The following KMO variants were observed in gnomAD, a reference collection of about 807,000 sequenced individuals.
KMO encodes the protein kynurenine 3-hydroxylase.
A neutral mutation model predicts 57.8 loss-of-function variants in KMO; 24 were observed. The ratio of observed to expected loss-of-function variants is 0.42; its 90% CI spans 0.30 to 0.58. The LOEUF (loss-of-function observed/expected upper bound fraction) is 0.58, where lower values mean the gene tolerates loss of function less well. Ranked by LOEUF, KMO falls within the 20% of genes least tolerant of loss-of-function variation. The pLI is 0.22. For synonymous variants in KMO, 210 were observed against 193.6 expected, an observed-to-expected ratio of 1.08 and a Z score of -0.70; for missense variants, 483 against 588.2, an observed-to-expected ratio of 0.82 and a Z score of 1.85.
chr1:241,560,807 G>GT (rs1661808850), intron 6 of KMO, 55 bp downstream of exon 6: 14 of 1,124,080 alleles, frequency 1.2e-5, no homozygotes, highest in Non-Finnish European at 1.9e-5. Context: ...GTGGAGAATT[G>GT]TATCTGCAAA....
In KMO at chr1:241,593,534, A is replaced by C. The variant is rs1026533029; in HGVS notation, c.*1381A>C. Reference sequence around the variant, plus strand: ...TAATCCATGTTCAGTTTGTAGGGAAAGAAAAAATAATTTTTCCTTCTACCC... The same window carrying C: ...TAATCCATGTTCAGTTTGTAGGGAACGAAAAAATAATTTTTCCTTCTACCC... On this transcript the variant is annotated 3_prime_UTR_variant, in exon 15 of 15. Coordinates refer to ENST00000366559, the MANE Select transcript of KMO (RefSeq NM_003679.5). 8 of 258,078 alleles carry C rather than the reference A, an allele frequency of 3.1e-5. No individual in the cohort carries two copies. Among genetic ancestry groups the C allele is most frequent in the African/African-American group, 1.7e-4 (8 of 45,948 alleles). The allele number at this position is 258,078 out of a possible 1,614,324, so 16.0% of individuals were successfully genotyped here.
intron 1 of KMO, chr1:241,536,455 GTT>G (rs769511701): frequency 7.2e-5 from 69 of 960,298 alleles, no homozygotes; most frequent in Non-Finnish European, 8.6e-5. Flanking sequence ...TTTGATAACT[GTT>G]TTCAGTGTTT....
rs1209415215 is a variant in KMO at position 241,575,550 on chromosome 1, T to C, written c.957+6903T>C. 1.3e-5 allele frequency among the ~76,000 whole-genome samples: 2 copies of C among 152,072 alleles called. 1 individual carries two copies. The highest frequency in any genetic ancestry group is 2.9e-5 in the Non-Finnish European group (2 of 67,956). Reference sequence around the variant, plus strand: ...CCAAAATCATTCAAGAGAAGATTGTTTAATTTCCATGTATTTGTATAGTTT... The same window carrying C: ...CCAAAATCATTCAAGAGAAGATTGTCTAATTTCCATGTATTTGTATAGTTT... On this transcript the variant is annotated intron_variant, in intron 10 of 14. Coordinates refer to ENST00000366559, the MANE Select transcript of KMO (RefSeq NM_003679.5).
Position 241,570,683 on chromosome 1 carries a change from T to C in KMO, c.957+2036T>C, listed in dbSNP as rs1237384120. ...CCGTACCATGATGTTTTGGTTACTT[T>C]AGTTTTGTAGTATAATTTGAAGTCA... On this transcript the variant is annotated intron_variant, in intron 10 of 14. Transcript: ENST00000366559. Among the ~76,000 whole-genome samples, 10 of 152,260 alleles carry C rather than the reference T, an allele frequency of 6.6e-5. No homozygotes were observed. The East Asian group carries it at 1.7e-3, about 26-fold the overall frequency.
rs117220986 is a variant in KMO, at chr1:241,592,018, A to G, written c.1326A>G (p.Ile442Met). 5.7e-4 allele frequency: 916 copies of G among 1,613,980 alleles called. 8 individuals are homozygous for G. In the East Asian group the frequency reaches 0.019, roughly 33 times the overall value. The change falls in exon 15 of 15, where the codon ATA becomes ATG. Residue 442 changes from isoleucine (I) to methionine (M), a missense_variant. Physicochemically the swap from Ile to Met is conservative, Grantham distance 10 (BLOSUM62 1). This residue lies in a region of KMO where 410 missense variants were observed against 492.3 expected (regional missense o/e 0.83). Coordinates refer to ENST00000366559, the MANE Select transcript of KMO (RefSeq NM_003679.5). ...CCATCAGCAGTACCTACCTACTTAT[A>G]CACTACATGTCACCACGATCTTTCC... ...LIAISSTYLL[I>M]HYMSPRSFLR...
At chr1:241,562,035 G>T in intron 6 of KMO, 132 bp from the exon 7 acceptor site, 1 of 696,976 alleles carries the variant, frequency 1.4e-6, no homozygotes. Context: ...TTAACTCAAA[G>T]CTCCAAGTCA....
chr1:241,573,090 A>G (rs937379989), intron 10 of KMO, among the ~76,000 whole-genome samples: 11 of 152,158 alleles, frequency 7.2e-5, no homozygotes, highest in African/African-American at 2.7e-4. Flanking sequence ...TTGTCCTACA[A>G]TAAATATACA....
In KMO at chr1:241,555,641, A is replaced by C; in HGVS notation, c.342A>C (p.Leu114=). The C allele has an allele frequency of 6.3e-7, 1 of 1,577,038 alleles. No individual in the cohort carries two copies. The highest frequency in any genetic ancestry group is 1.1e-5 in the South Asian group (1 of 90,280). The change falls in exon 5 of 15, where the codon CTA becomes CTC. Residue 114 remains leucine, a synonymous_variant. Coordinates refer to ENST00000366559, the MANE Select transcript of KMO (RefSeq NM_003679.5). ...TTCTTTCTGTAAGCAGAGAAAATCT[A>C]AACAAGGATCTATTGACTGGTAAGT... is the stretch of plus-strand genomic sequence containing the variant. The part of the protein sequence containing the change: ...QYILSVSREN[L]NKDLLTAAEK...
chr1:241,566,885 G>C (rs554025400), intron 9 of KMO, among the ~76,000 whole-genome samples: 1 of 152,136 alleles, frequency 6.6e-6, no homozygotes, highest in African/African-American at 2.4e-5. Flanking sequence ...GGCTCCTTGG[G>C]GCTTGGCGTG....
intron 1 of KMO, among the ~76,000 whole-genome samples, chr1:241,539,674 T>C (rs994699256): frequency 2.0e-5 from 3 of 152,172 alleles, no homozygotes; most frequent in Non-Finnish European, 2.9e-5. Context: ...AGACCATCAA[T>C]ATTCTCTCCG....
chr1:241,588,986 T>A (rs1038598732), intron 12 of KMO, among the ~76,000 whole-genome samples, 156 bp downstream of exon 12: 1 of 152,198 alleles, frequency 6.6e-6, no homozygotes, highest in African/African-American at 2.4e-5. Flanking sequence ...TTCCTTAGAC[T>A]TGGGTGGATT....
chr1:241,548,035 A>T (rs188029090), intron 1 of KMO, among the ~76,000 whole-genome samples: 1 of 152,064 alleles, frequency 6.6e-6, no homozygotes, highest in Admixed American at 6.5e-5. Flanking sequence ...ATGTAACCAT[A>T]TAAATGAATC....
At chr1:241,558,707 C>G (rs968400459) in intron 5 of KMO, among the ~76,000 whole-genome samples, 1 of 150,922 alleles carries the variant, frequency 6.6e-6, no homozygotes, top group Non-Finnish European at 1.5e-5. Context: ...TCTTCCAGAG[C>G]AGCACAGTCC....
chr1:241,548,454 G>A (rs574470168), intron 1 of KMO, among the ~76,000 whole-genome samples: 2 of 152,126 alleles, frequency 1.3e-5, no homozygotes, highest in Non-Finnish European at 2.9e-5. Flanking sequence ...GAGGAATGAC[G>A]CTATTCTACT....
chr1:241,580,124 A>C (rs1318329554), intron 10 of KMO, among the ~76,000 whole-genome samples: 2 of 152,122 alleles, frequency 1.3e-5, no homozygotes, highest in African/African-American at 2.4e-5. Context: ...AGGACTTAAC[A>C]ATTTTTCACA....
chr1:241,571,448 A>C (rs937056647), intron 10 of KMO, among the ~76,000 whole-genome samples: 3 of 152,122 alleles, frequency 2.0e-5, no homozygotes, highest in African/African-American at 7.2e-5. Flanking sequence ...TATCATGTTG[A>C]GATATATTCC....
At chr1:241,542,485 T>C (rs1004681598) in intron 1 of KMO, among the ~76,000 whole-genome samples, 1 of 152,230 alleles carries the variant, frequency 6.6e-6, no homozygotes, top group Non-Finnish European at 1.5e-5. Context: ...AGACTGGTTA[T>C]TCATAAAAAT....
chr1:241,564,983 G>T lies in KMO; in HGVS notation c.616-4G>T. 6 of 1,586,934 alleles carry T rather than the reference G, an allele frequency of 3.8e-6. No individual in the cohort carries two copies. Among genetic ancestry groups the T allele is most frequent in the Non-Finnish European group, 4.3e-6 (5 of 1,156,608 alleles). ...TAATCAATCATATATTCTTTTTTCT[G>T]CAGTATGCCATGGAACCTAATTATC... On this transcript the variant is annotated splice_region_variant and splice_polypyrimidine_tract_variant and intron_variant, in intron 7 of 14. Transcript: ENST00000366559.
intron 1 of KMO, among the ~76,000 whole-genome samples, chr1:241,535,834 C>T (rs761523620): frequency 6.6e-6 from 1 of 152,228 alleles, no homozygotes; most frequent in South Asian, 2.1e-4. Flanking sequence ...GACAATCAAC[C>T]TGTGAAGGCT....
Sources: allele counts gnomAD v4.1 joint callset (sites outside exome capture counted in the v4.1 genomes callset), GRCh38; gene constraint gnomAD v4.1.1; regional missense constraint gnomAD v4.1.1; transcripts MANE v1.5; gene names NCBI Gene and HGNC (gene_info 2026-07-23, HGNC 2026-07-21).